Variants in DLG2 observed in about 807,000 individuals in gnomAD.
DLG2 encodes the protein discs large MAGUK scaffold protein 2.
DLG2 carries 45 observed loss-of-function variants against 132.5 expected under a neutral mutation model. That is an observed-to-expected ratio of 0.34 (90% confidence interval 0.27 to 0.44). The LOEUF is 0.44. Among genes scored for constraint, DLG2 ranks in the 20% least tolerant of loss-of-function variants. The probability of loss-of-function intolerance (pLI) is 1.00; values close to 1 mark genes in which losing one functional copy is unlikely to be tolerated. For synonymous variants in DLG2, 424 were observed against 419.6 expected, an observed-to-expected ratio of 1.01 and a Z score of -0.13; for missense variants, 1,045 against 1,196.9, an observed-to-expected ratio of 0.87 and a Z score of 1.87.
At chr11:85,171,586 G>A (rs2078882034) in intron 4 of DLG2, among the ~76,000 whole-genome samples, 1 of 152,154 alleles carries the variant, frequency 6.6e-6, no homozygotes, top group Non-Finnish European at 1.5e-5. Flanking sequence ...TAGGAAGGGG[G>A]CTGAATCCAG....
chr11:83,631,445 A>G (rs2063544190), intron 19 of DLG2: 1 of 151,962 alleles, frequency 6.6e-6, no homozygotes, highest in South Asian at 2.1e-4. Context: ...AGTATTTTTG[A>G]GTCTCATTAA....
At chr11:85,602,716 C>G (rs1414395577) in intron 2 of DLG2, among the ~76,000 whole-genome samples, 1 of 152,150 alleles carries the variant, frequency 6.6e-6, no homozygotes. Flanking sequence ...AGAGCAAAGG[C>G]CCACCTCTCT....
intron 7 of DLG2, among the ~76,000 whole-genome samples, chr11:84,267,851 C>A (rs188349427): frequency 1.3e-5 from 2 of 152,176 alleles, no homozygotes; most frequent in East Asian, 3.8e-4. Context: ...GTAGGTCAGG[C>A]CACACATAGC....
intron 17 of DLG2, among the ~76,000 whole-genome samples, chr11:83,822,072 CTGACTTTGAAGCTGGGCAGACCTAGAGT>C (rs1474205733): frequency 6.6e-6 from 1 of 152,130 alleles, no homozygotes; most frequent in Non-Finnish European, 1.5e-5. Context: ...GAAAAAAATA[CTGACTTTGAAGCTGGGCAGACCTAGAGT>C]CCAGTCCTTT....
chr11:83,746,402 A>C (rs1245801456), intron 18 of DLG2, among the ~76,000 whole-genome samples: 1 of 152,212 alleles, frequency 6.6e-6, no homozygotes, highest in Non-Finnish European at 1.5e-5. Context: ...CAGCCATCAA[A>C]AATGATGAGT....
intron 7 of DLG2, among the ~76,000 whole-genome samples, chr11:84,369,318 G>A (rs1182447587): frequency 6.6e-6 from 1 of 152,014 alleles, no homozygotes; most frequent in East Asian, 1.9e-4. Flanking sequence ...GTGCTACTCT[G>A]TCTCTTCAAA....
intron 3 of DLG2, among the ~76,000 whole-genome samples, chr11:85,312,427 T>C (rs1345119616): frequency 1.3e-5 from 2 of 150,962 alleles, no homozygotes; most frequent in African/African-American, 4.8e-5. Flanking sequence ...GAGTTACATG[T>C]AATATACAAT....
chr11:85,529,455 C>A (rs908084468), intron 3 of DLG2, among the ~76,000 whole-genome samples: 1 of 152,010 alleles, frequency 6.6e-6, no homozygotes, highest in Non-Finnish European at 1.5e-5. Flanking sequence ...TATTTTTTAT[C>A]TTGTTCACTT....
At chr11:83,891,904 A>G (rs1173372198) in intron 15 of DLG2, among the ~76,000 whole-genome samples, 1 of 152,170 alleles carries the variant, frequency 6.6e-6, no homozygotes, top group Non-Finnish European at 1.5e-5. Context: ...GAAAAGCCCC[A>G]GCTGTATAAT....
rs1240678559 is a variant in DLG2, at chr11:85,063,010, T to C, written c.357+48651A>G. On this transcript the variant is annotated intron_variant, in intron 6 of 27. Coordinates refer to ENST00000376104, the MANE Select transcript of DLG2 (RefSeq NM_001142699.3). ...ATGTGCATATTGTCAAAATTCTAAA[T>C]GTAGTGCTAAAGTACTAAGACGGTG... 4.6e-5 allele frequency among the ~76,000 whole-genome samples: 7 copies of C among 151,840 alleles called. No homozygotes were observed. In the South Asian group the frequency reaches 1.5e-3, roughly 31 times the overall value.
At chr11:85,376,946 T>C (rs1036481484) in intron 3 of DLG2, among the ~76,000 whole-genome samples, 3 of 152,174 alleles carry the variant, frequency 2.0e-5, no homozygotes, top group African/African-American at 4.8e-5. Context: ...ATAACACATG[T>C]GCGCCTTACT....
At chr11:85,205,727 G>A (rs1342859761) in intron 4 of DLG2, among the ~76,000 whole-genome samples, 2 of 152,126 alleles carry the variant, frequency 1.3e-5, no homozygotes, top group Non-Finnish European at 2.9e-5. Flanking sequence ...ATTCAAATGA[G>A]CAGCCCAATT....
At chr11:84,064,625 G>A (rs895012562) in intron 10 of DLG2, among the ~76,000 whole-genome samples, 2 of 152,102 alleles carry the variant, frequency 1.3e-5, no homozygotes, top group African/African-American at 2.4e-5. Flanking sequence ...AAAACAGTAA[G>A]CATCAAAAAT....
chr11:84,688,457 T>C (rs566341211), intron 6 of DLG2, among the ~76,000 whole-genome samples: 1 of 152,350 alleles, frequency 6.6e-6, no homozygotes, highest in East Asian at 1.9e-4. Context: ...AAAAATACAC[T>C]TACATGTAAA....
At chr11:83,983,732 A>C (rs1167996936) in intron 11 of DLG2, among the ~76,000 whole-genome samples, 2 of 152,056 alleles carry the variant, frequency 1.3e-5, no homozygotes, top group Non-Finnish European at 2.9e-5. Context: ...GGAACAATGA[A>C]TATATTTGTT....
At chr11:84,491,602 G>A (rs1307887750) in intron 7 of DLG2, among the ~76,000 whole-genome samples, 2 of 152,070 alleles carry the variant, frequency 1.3e-5, no homozygotes, top group Non-Finnish European at 2.9e-5. Context: ...TTTCTAATAT[G>A]GTGAACACAG....
chr11:85,420,764 G>A (rs1597170720), intron 3 of DLG2, among the ~76,000 whole-genome samples: 2 of 152,282 alleles, frequency 1.3e-5, no homozygotes, highest in African/African-American at 4.8e-5. Flanking sequence ...TCAAGCTTCA[G>A]TAATGGTGGA....
At chr11:83,581,317 G>C (rs1397946644) in intron 19 of DLG2, among the ~76,000 whole-genome samples, 2 of 152,098 alleles carry the variant, frequency 1.3e-5, no homozygotes, top group African/African-American at 4.8e-5. Flanking sequence ...GTTGGGAACT[G>C]CTGCCTTAAA....
intron 9 of DLG2, among the ~76,000 whole-genome samples, chr11:84,137,448 G>A (rs1208714007): frequency 6.6e-6 from 1 of 152,064 alleles, no homozygotes; most frequent in East Asian, 1.9e-4. Context: ...ATGTGTGTGT[G>A]TGTGTATGTG....
Sources: gnomAD v4.1 joint callset for allele counts (sites outside exome capture counted in the v4.1 genomes callset) on GRCh38, gnomAD v4.1.1 for gene constraint, MANE v1.5 for transcripts, NCBI Gene and HGNC (gene_info 2026-07-23, HGNC 2026-07-21) for gene names.